Variants in ADGRB3 observed in about 807,000 individuals in gnomAD.
The protein encoded by ADGRB3 is brain-specific angiogenesis inhibitor 3.
Under a neutral mutation model 193.4 loss-of-function variants are expected in ADGRB3, and 37 were observed. That is an observed-to-expected ratio of 0.19 (90% CI 0.15 to 0.25). The LOEUF (loss-of-function observed/expected upper bound fraction) is 0.25. Among genes scored for constraint, ADGRB3 ranks in the 10% least tolerant of loss-of-function variants. The pLI, the probability that ADGRB3 is intolerant of heterozygous loss-of-function variation, is 1.00. For missense variants in ADGRB3, 1,637 were observed against 1,852.9 expected (o/e 0.88, Z 2.14); for synonymous variants, 690 against 644.2 (o/e 1.07, Z -1.08).
chr6:68,980,459 C>T (rs80241402), intron 10 of ADGRB3, among the ~76,000 whole-genome samples: 1 of 151,084 alleles, frequency 6.6e-6, no homozygotes, highest in Non-Finnish European at 1.5e-5. Flanking sequence ...CAAGTTAATG[C>T]AACAAAACTC....
chr6:68,672,493 C>G (rs1353341121), intron 3 of ADGRB3, among the ~76,000 whole-genome samples: 1 of 151,820 alleles, frequency 6.6e-6, no homozygotes, highest in Non-Finnish European at 1.5e-5. Flanking sequence ...GAAATTTTTA[C>G]TGAGAAAATA....
At chr6:68,781,924 C>A (rs775956700) in intron 3 of ADGRB3, among the ~76,000 whole-genome samples, 24 of 151,960 alleles carry the variant, frequency 1.6e-4, no homozygotes, top group Non-Finnish European at 3.1e-4. Context: ...GGTAATAAAC[C>A]TCAGTTCAAA....
chr6:68,888,371 T>A (rs576759790), intron 3 of ADGRB3, among the ~76,000 whole-genome samples: 1 of 152,186 alleles, frequency 6.6e-6, no homozygotes, highest in Non-Finnish European at 1.5e-5. Context: ...AATTCATTCT[T>A]GTATTTTTCC....
Position 69,297,410 on chromosome 6 carries a change from CTATA to C in ADGRB3, c.2815-27448_2815-27445del, listed in dbSNP as rs753511956. On this transcript the variant is annotated intron_variant, in intron 20 of 31. Transcript: ENST00000370598. Reference sequence around the variant, plus strand: ...TCTCTCTATCTCTCTCTCTCTCTCTCTATATATATATATATATGCTTTGAGGAAG... The same window carrying C: ...TCTCTCTATCTCTCTCTCTCTCTCTCTATATATATATATGCTTTGAGGAAG... Among the ~76,000 whole-genome samples, 520 of 128,274 alleles carry C rather than the reference CTATA, an allele frequency of 4.1e-3. 8 individuals are homozygous for C. The East Asian group carries it at 0.043, about 11-fold the overall frequency. The allele number at this position is 128,274 out of a possible 152,430, so 84.2% of individuals were successfully genotyped here.
intron 10 of ADGRB3, among the ~76,000 whole-genome samples, chr6:68,982,706 A>G (rs1768954062): frequency 6.6e-6 from 1 of 152,158 alleles, no homozygotes; most frequent in Admixed American, 6.6e-5. Context: ...TCAGCTTTTT[A>G]CACAGGGCAG....
intron 3 of ADGRB3, among the ~76,000 whole-genome samples, chr6:68,864,960 A>C (rs1268393641): frequency 6.6e-6 from 1 of 152,236 alleles, no homozygotes; most frequent in Non-Finnish European, 1.5e-5. Context: ...GAAAGACTAT[A>C]CTATATCTCT....
At chr6:69,053,045 G>T (rs776604759) in intron 15 of ADGRB3, among the ~76,000 whole-genome samples, 8 of 152,126 alleles carry the variant, frequency 5.3e-5, no homozygotes, top group Non-Finnish European at 8.8e-5. Context: ...AATTAGCCGT[G>T]CATGGTGGTG....
intron 3 of ADGRB3, among the ~76,000 whole-genome samples, chr6:68,848,509 A>G (rs914485299): frequency 6.6e-6 from 1 of 152,068 alleles, no homozygotes; most frequent in Non-Finnish European, 1.5e-5. Context: ...GCAAGTGGCT[A>G]TGATTCTGCA....
chr6:68,695,250 A>G (rs1765137880), intron 3 of ADGRB3, among the ~76,000 whole-genome samples: 2 of 152,042 alleles, frequency 1.3e-5, no homozygotes, highest in African/African-American at 2.4e-5. Flanking sequence ...AAATGGCTAT[A>G]ATTGAAAAAT....
chr6:69,139,576 G>T (rs1774261725), intron 17 of ADGRB3, among the ~76,000 whole-genome samples: 1 of 152,126 alleles, frequency 6.6e-6, no homozygotes, highest in African/African-American at 2.4e-5. Context: ...TGCAGAAAAG[G>T]AGATAACTAT....
intron 20 of ADGRB3, among the ~76,000 whole-genome samples, chr6:69,308,637 C>T (rs1423165670): frequency 2.0e-5 from 3 of 151,420 alleles, no homozygotes; most frequent in Non-Finnish European, 3.0e-5. Context: ...AGAAGAGTAA[C>T]ATAGAAAAGA....
chr6:68,738,388 C>T (rs552929584), intron 3 of ADGRB3, among the ~76,000 whole-genome samples: 2 of 152,108 alleles, frequency 1.3e-5, no homozygotes, highest in Non-Finnish European at 2.9e-5. Context: ...ATCTGACATA[C>T]ATTTTAAATG....
chr6:69,344,397 A>T (rs1293164614), intron 26 of ADGRB3, among the ~76,000 whole-genome samples: 1 of 152,064 alleles, frequency 6.6e-6, no homozygotes, highest in Non-Finnish European at 1.5e-5. Context: ...TCCCACTCGC[A>T]CCCTTTTTTA....
At chr6:69,141,119 C>CT (rs1391159036) in intron 17 of ADGRB3, among the ~76,000 whole-genome samples, 89 of 116,838 alleles carry the variant, frequency 7.6e-4, no homozygotes, top group South Asian at 3.7e-3. Context: ...ATATTTCTTT[C>CT]TTTTTTTTTG....
At chr6:69,063,090 T>C in intron 16 of ADGRB3, 54 bp downstream of exon 16, 5 of 1,342,332 alleles carry the variant, frequency 3.7e-6, no homozygotes, top group South Asian at 3.6e-5. Flanking sequence ...TTTCTAACAG[T>C]CATTCTTTCA....
chr6:69,081,131 AT>A (rs1183355676), intron 17 of ADGRB3, among the ~76,000 whole-genome samples: 1 of 152,014 alleles, frequency 6.6e-6, no homozygotes, highest in Non-Finnish European at 1.5e-5. Context: ...GATAAGTTAA[AT>A]TTTTGGAATT....
rs115663078 is a variant in ADGRB3 at position 69,171,046 on chromosome 6, T to C, written c.2481-62244T>C. Among the ~76,000 whole-genome samples the C allele has an allele frequency of 2.6e-3, 399 of 152,332 alleles. 1 individual carries two copies. Among genetic ancestry groups the C allele is most frequent in the African/African-American group, 9.4e-3 (392 of 41,574 alleles). On this transcript the variant is annotated intron_variant, in intron 17 of 31. Coordinates refer to ENST00000370598, the MANE Select transcript of ADGRB3 (RefSeq NM_001704.3). ...TGTAACTCTAATAATATATTCATTC[T>C]AAAAAGATATTTTATTTAACCCAAT... is the stretch of plus-strand genomic sequence containing the variant.
At chr6:69,321,138 A>G (rs1353173410) in intron 20 of ADGRB3, among the ~76,000 whole-genome samples, 1 of 151,748 alleles carries the variant, frequency 6.6e-6, no homozygotes, top group Non-Finnish European at 1.5e-5. Flanking sequence ...TCTCTAGTCC[A>G]TCACAGTTAA....
intron 17 of ADGRB3, among the ~76,000 whole-genome samples, chr6:69,109,418 C>T (rs1449394078): frequency 6.6e-6 from 1 of 152,068 alleles, no homozygotes; most frequent in Non-Finnish European, 1.5e-5. Context: ...CCCTTTGTAC[C>T]TAGGTATGTG....
Sources: allele counts gnomAD v4.1 joint callset (sites outside exome capture counted in the v4.1 genomes callset), GRCh38; gene constraint gnomAD v4.1.1; transcripts MANE v1.5; gene names NCBI Gene and HGNC (gene_info 2026-07-23, HGNC 2026-07-21).